TAFA1: variants seen among roughly 807,000 people sequenced by gnomAD.
TAFA1 encodes chemokine-like protein TAFA-1.
A neutral mutation model predicts 18.5 loss-of-function variants in TAFA1; 4 were observed. The observed-to-expected ratio is 0.22, with a 90% CI of 0.11 to 0.49. The LOEUF is 0.49. TAFA1 is among the 20% of genes least tolerant of loss of function. The pLI is 0.98. For synonymous variants in TAFA1, 56 were observed against 55.2 expected (o/e 1.01, Z -0.06); for missense variants, 147 against 169.0 (o/e 0.87, Z 0.72).
At chr3:68,390,308 C>T (rs932910092) in intron 2 of TAFA1, among the ~76,000 whole-genome samples, 1 of 152,148 alleles carries the variant, frequency 6.6e-6, no homozygotes, top group African/African-American at 2.4e-5. Context: ...TCTCTAGATC[C>T]CTCATCTCTG....
intron 2 of TAFA1, among the ~76,000 whole-genome samples, chr3:68,182,676 T>C (rs2066219850): frequency 6.6e-6 from 1 of 152,172 alleles, no homozygotes; most frequent in African/African-American, 2.4e-5. Context: ...ATACACACAT[T>C]TTAATGTGAG....
rs1451699303 is a variant in TAFA1, at chr3:68,426,864, G to A, written c.259+9444G>A. The stretch of plus-strand genomic sequence containing the variant: ...TCTCAACAGGATCAGATTCATGACT[G>A]TGGGTATCATCTAAGAAATATTTCA... On this transcript the variant is annotated intron_variant, in intron 3 of 4. Transcript: ENST00000478136. 5.9e-5 allele frequency among the ~76,000 whole-genome samples: 9 copies of A among 151,842 alleles called. No homozygotes were observed. In the East Asian group the frequency reaches 1.7e-3, roughly 29 times the overall value.
chr3:68,096,672 G>A (rs2065090840), intron 2 of TAFA1, among the ~76,000 whole-genome samples: 1 of 152,068 alleles, frequency 6.6e-6, no homozygotes, highest in African/African-American at 2.4e-5. Context: ...GGACAACAAA[G>A]CCTGTACTCT....
chr3:68,112,310 A>G (rs999439606), intron 2 of TAFA1, among the ~76,000 whole-genome samples: 5 of 152,210 alleles, frequency 3.3e-5, no homozygotes, highest in Admixed American at 6.5e-5. Context: ...ATCCTGCTGA[A>G]TGAGCTTATT....
At chr3:68,402,358 G>A (rs576077281) in intron 2 of TAFA1, among the ~76,000 whole-genome samples, 3 of 152,258 alleles carry the variant, frequency 2.0e-5, no homozygotes, top group South Asian at 2.1e-4. Context: ...AAGTTAATTC[G>A]GACGGCCTTA....
At chr3:68,057,857 G>A (rs1175980300) in intron 2 of TAFA1, among the ~76,000 whole-genome samples, 2 of 152,184 alleles carry the variant, frequency 1.3e-5, no homozygotes, top group Non-Finnish European at 2.9e-5. Flanking sequence ...ACCAAGTGAT[G>A]TGGGTGGCTT....
intron 2 of TAFA1, among the ~76,000 whole-genome samples, chr3:68,179,847 A>G (rs892645955): frequency 6.6e-6 from 1 of 152,038 alleles, no homozygotes; most frequent in Non-Finnish European, 1.5e-5. Context: ...TTGGGAGGAC[A>G]GTCTTCCCAT....
At chr3:68,321,451 G>A (rs1361730530) in intron 2 of TAFA1, among the ~76,000 whole-genome samples, 1 of 152,168 alleles carries the variant, frequency 6.6e-6, no homozygotes, top group African/African-American at 2.4e-5. Context: ...AAAGAGGGAA[G>A]TTAATAAATA....
chr3:68,134,067 G>GAA (rs10593198), intron 2 of TAFA1, among the ~76,000 whole-genome samples: 2 of 97,394 alleles, frequency 2.1e-5, no homozygotes, highest in Admixed American at 1.2e-4. Context: ...ATGACAACTG[G>GAA]AAAAAAAAAA....
At chr3:68,391,826 C>T (rs1489486702) in intron 2 of TAFA1, among the ~76,000 whole-genome samples, 1 of 152,088 alleles carries the variant, frequency 6.6e-6, no homozygotes. Flanking sequence ...ATTTTGTCAC[C>T]ACCAGGCCTG....
chr3:67,998,067 A>G, the TAFA1 span, among the ~76,000 whole-genome samples: 1 of 152,038 alleles, frequency 6.6e-6, no homozygotes, highest in African/African-American at 2.4e-5. Context: ...AAACAAAAAA[A>G]ACCATATATT....
At chr3:68,408,282 A>G (rs549203168) in intron 2 of TAFA1, among the ~76,000 whole-genome samples, 6 of 152,334 alleles carry the variant, frequency 3.9e-5, no homozygotes, top group South Asian at 2.1e-4. Flanking sequence ...ATCCTGGCCT[A>G]TTAATGAGAA....
At chr3:68,196,479 G>A (rs962430309) in intron 2 of TAFA1, among the ~76,000 whole-genome samples, 3 of 151,658 alleles carry the variant, frequency 2.0e-5, no homozygotes, top group African/African-American at 7.3e-5. Context: ...TGTGCACTCA[G>A]CATTCTTTTA....
chr3:68,014,054 T>C (rs1365910592), intron 2 of TAFA1, among the ~76,000 whole-genome samples: 1 of 152,206 alleles, frequency 6.6e-6, no homozygotes, highest in African/African-American at 2.4e-5. Context: ...GACCTTCTTT[T>C]CTAGGTGTGC....
At chr3:68,301,970 G>T (rs1018494545) in intron 2 of TAFA1, among the ~76,000 whole-genome samples, 1 of 152,040 alleles carries the variant, frequency 6.6e-6, no homozygotes, top group African/African-American at 2.4e-5. Context: ...GATTTATTCA[G>T]CTTTTTAGTC....
chr3:68,374,719 A>G (rs994814412), intron 2 of TAFA1, among the ~76,000 whole-genome samples: 1 of 152,168 alleles, frequency 6.6e-6, no homozygotes, highest in Non-Finnish European at 1.5e-5. Context: ...ATGATTTGGT[A>G]TTGATGAAAG....
At chr3:68,465,366 A>G (rs949795817) in intron 3 of TAFA1, among the ~76,000 whole-genome samples, 3 of 152,162 alleles carry the variant, frequency 2.0e-5, no homozygotes, top group Non-Finnish European at 4.4e-5. Flanking sequence ...CTATATAACC[A>G]TCTATGACTA....
At chr3:68,223,246 C>G (rs1324027041) in intron 2 of TAFA1, among the ~76,000 whole-genome samples, 1 of 152,152 alleles carries the variant, frequency 6.6e-6, no homozygotes, top group African/African-American at 2.4e-5. Flanking sequence ...TTAAACTTCT[C>G]AATATTTCCA....
intron 2 of TAFA1, among the ~76,000 whole-genome samples, chr3:68,034,364 C>T (rs897269732): frequency 9.2e-5 from 14 of 152,136 alleles, no homozygotes; most frequent in Non-Finnish European, 4.4e-5. Context: ...TTCATTTGAT[C>T]CTCACCATAA....
Sources: allele counts gnomAD v4.1 joint callset (sites outside exome capture counted in the v4.1 genomes callset), GRCh38; gene constraint gnomAD v4.1.1; transcripts MANE v1.5; gene names NCBI Gene and HGNC (gene_info 2026-07-23, HGNC 2026-07-21).